Variants in ZFHX3 observed in about 807,000 individuals in gnomAD.
ZFHX3 encodes zinc finger homeobox 3, also known as zinc finger homeobox protein 3.
Under a neutral mutation model 279.1 loss-of-function variants are expected in ZFHX3, and 42 were observed. That is an observed-to-expected ratio of 0.15 (90% CI 0.12 to 0.19). The LOEUF is 0.19. Among genes scored for constraint, ZFHX3 ranks in the 10% least tolerant of loss-of-function variants. The pLI, the probability that ZFHX3 is intolerant of heterozygous loss-of-function variation, is 1.00. For missense variants in ZFHX3, 4,981 were observed against 4,754.0 expected (o/e 1.05, Z -1.40); for synonymous variants, 2,293 against 1,957.8 (o/e 1.17, Z -4.52).
intron 4 of ZFHX3, among the ~76,000 whole-genome samples, chr16:72,872,968 G>A (rs2034186615): frequency 6.6e-6 from 1 of 152,106 alleles, no homozygotes; most frequent in African/African-American, 2.4e-5. Context: ...CAACAGCCTG[G>A]GGTCTTCTTC....
chr16:72,991,346 A>C (rs1157417731), intron 1 of ZFHX3, among the ~76,000 whole-genome samples: 1 of 152,246 alleles, frequency 6.6e-6, no homozygotes, highest in Non-Finnish European at 1.5e-5. Context: ...CCTCTCAGAC[A>C]TTCCACTAAG....
At chr16:73,374,563 A>G (rs2016689298) in intron 3 of ZFHX3, among the ~76,000 whole-genome samples, 1 of 152,254 alleles carries the variant, frequency 6.6e-6, no homozygotes, top group Admixed American at 6.5e-5. Context: ...GATTTCCTTA[A>G]TGTCATCGAA....
chr16:73,524,846 C>G (rs978643494), intron 2 of ZFHX3, among the ~76,000 whole-genome samples: 2 of 152,164 alleles, frequency 1.3e-5, no homozygotes, highest in Admixed American at 6.5e-5. Flanking sequence ...CAGTCTTTCC[C>G]CAGGTGGGCT....
At position 73,536,068 on chromosome 16, in the gene ZFHX3, A is replaced by T. The variant is rs534272793; in HGVS notation, c.-1546-79810T>A. Among the ~76,000 whole-genome samples, 50 of 152,146 alleles carry T rather than the reference A, an allele frequency of 3.3e-4. No homozygotes were observed. In the South Asian group the frequency reaches 0.01, roughly 32 times the overall value. ...AATTTTCTATCACTGTGTAAGCTGG[A>T]GATGGTTTTAGATACTTGCAAACAA... On this transcript the variant is annotated intron_variant, in intron 2 of 17. Transcript: ENST00000641206.
chr16:72,789,408 T>A (rs934543084), intron 9 of ZFHX3: 4 of 152,360 alleles, frequency 2.6e-5, no homozygotes, highest in African/African-American at 9.7e-5. Flanking sequence ...GCTAGCTGTT[T>A]CTAGCTGGGG....
intron 4 of ZFHX3, among the ~76,000 whole-genome samples, chr16:73,315,835 G>T (rs982061878): frequency 6.6e-6 from 1 of 152,222 alleles, no homozygotes; most frequent in African/African-American, 2.4e-5. Flanking sequence ...CCCGTTTTCA[G>T]TTATGTGTAA....
chr16:73,311,601 AAAAAAAAAAAAG>A (rs1187147198), intron 4 of ZFHX3, among the ~76,000 whole-genome samples: 1 of 143,196 alleles, frequency 7.0e-6, no homozygotes, highest in Non-Finnish European at 1.5e-5. Flanking sequence ...AAAAAAAAAA[AAAAAAAAAAAAG>A]AAGTCACCAA....
intron 2 of ZFHX3, among the ~76,000 whole-genome samples, chr16:73,658,593 G>A (rs142434916): frequency 0.023 from 3,561 of 152,224 alleles, 136 homozygotes; most frequent in African/African-American, 0.081. Flanking sequence ...ATGAGCCGCC[G>A]TGCCTGGCCA....
intron 2 of ZFHX3, among the ~76,000 whole-genome samples, chr16:73,601,499 C>G (rs1201519359): frequency 6.6e-6 from 1 of 151,450 alleles, no homozygotes; most frequent in African/African-American, 2.4e-5. Context: ...GTTTGGCGCT[C>G]TATTTTAACT....
intron 1 of ZFHX3, among the ~76,000 whole-genome samples, chr16:73,855,152 T>C (rs1961692260): frequency 6.7e-6 from 1 of 148,874 alleles, no homozygotes; most frequent in Non-Finnish European, 1.5e-5. Flanking sequence ...TCCACTGAAA[T>C]AACAACCCCT....
At chr16:73,372,603 T>C (rs1031648620) in intron 3 of ZFHX3, among the ~76,000 whole-genome samples, 3 of 152,252 alleles carry the variant, frequency 2.0e-5, no homozygotes, top group Non-Finnish European at 4.4e-5. Context: ...GAATGACAAC[T>C]TGCTCCTCTA....
chr16:73,824,343 A>G (rs1960835341), intron 1 of ZFHX3, among the ~76,000 whole-genome samples: 1 of 151,246 alleles, frequency 6.6e-6, no homozygotes, highest in African/African-American at 2.4e-5. Flanking sequence ...ATAATCTCCA[A>G]AACAATGTCA....
At chr16:73,032,642 TC>T (rs926265660) in intron 1 of ZFHX3, among the ~76,000 whole-genome samples, 4 of 150,230 alleles carry the variant, frequency 2.7e-5, no homozygotes, top group African/African-American at 9.8e-5. Context: ...GATGGGGGCC[TC>T]CCAACATCAC....
At chr16:73,689,745 T>C (rs952546852) in intron 1 of ZFHX3, among the ~76,000 whole-genome samples, 4 of 152,204 alleles carry the variant, frequency 2.6e-5, no homozygotes, top group African/African-American at 4.8e-5. Context: ...TAAGAAACCA[T>C]GGAAAACACG....
chr16:72,845,911 G>T lies in ZFHX3; in HGVS notation c.3449-16052C>A, dbSNP rs150818572. On this transcript the variant is annotated intron_variant, in intron 4 of 9. Coordinates refer to ENST00000268489, the MANE Select transcript of ZFHX3 (RefSeq NM_006885.4). The stretch of plus-strand genomic sequence containing the variant: ...CTGGTGAAGGTCACATAGCTAGGAG[G>T]TGACAGCTGATGCCAAGGACCATAT... Among the ~76,000 whole-genome samples the T allele has an allele frequency of 2.3e-4, 35 of 152,320 alleles. No individual in the cohort carries two copies. The East Asian group carries it at 6.6e-3, about 29-fold the overall frequency.
chr16:73,120,263 G>A (rs4788491), intron 7 of ZFHX3, among the ~76,000 whole-genome samples: 67,638 of 151,742 alleles, frequency 0.45, 16,709 homozygotes, highest in Middle Eastern at 0.6. Flanking sequence ...TTTTGTTGTT[G>A]TTGTTATTGT....
At chr16:73,768,205 A>G (rs545345408) in intron 1 of ZFHX3, among the ~76,000 whole-genome samples, 1 of 152,222 alleles carries the variant, frequency 6.6e-6, no homozygotes, top group South Asian at 2.1e-4. Flanking sequence ...TATAAAGTTC[A>G]ATCCCTTGAT....
intron 2 of ZFHX3, among the ~76,000 whole-genome samples, chr16:73,518,385 T>A (rs190617793): frequency 3.3e-5 from 5 of 152,360 alleles, no homozygotes; most frequent in Admixed American, 3.3e-4. Flanking sequence ...TAGTTCCTTT[T>A]TTATTGCCTG....
chr16:73,450,262 T>C (rs1386300094), intron 3 of ZFHX3, among the ~76,000 whole-genome samples: 1 of 152,228 alleles, frequency 6.6e-6, no homozygotes, highest in Non-Finnish European at 1.5e-5. Context: ...TCTGTTTTTC[T>C]TAACCTCATT....
Sources: allele counts gnomAD v4.1 joint callset (sites outside exome capture counted in the v4.1 genomes callset), GRCh38; gene constraint gnomAD v4.1.1; transcripts MANE v1.5; gene names NCBI Gene and HGNC (gene_info 2026-07-23, HGNC 2026-07-21).